Variants in AMZ1 observed in about 807,000 individuals in gnomAD.
AMZ1 encodes the protein archaelysin family metallopeptidase 1, also known as archaemetzincin-1.
A neutral mutation model predicts 29.9 loss-of-function variants in AMZ1; 39 were observed. The ratio of observed to expected loss-of-function variants is 1.30; its 90% confidence interval spans 1.01 to 1.70. AMZ1 has a LOEUF of 1.70. Ranked by LOEUF, AMZ1 falls within the 40% of genes most tolerant of loss-of-function variation. AMZ1 has a pLI of 0.00. For missense variants in AMZ1, 1,041 were observed against 680.6 expected (o/e 1.53, Z -5.89); for synonymous variants, 458 against 304.0 (o/e 1.51, Z -5.27).
At chr7:2,683,368 C>T (rs1277620786), upstream of AMZ1, among the ~76,000 whole-genome samples, 1 of 152,162 alleles carries the variant, frequency 6.6e-6, no homozygotes, top group African/African-American at 2.4e-5. Flanking sequence ...GGCTGCACCA[C>T]TCCCATCTCC....
rs1788906180 is a variant in AMZ1 at position 2,713,103 on chromosome 7, G to C, written c.*225G>C. On this transcript the variant is annotated 3_prime_UTR_variant, in exon 7 of 7. Transcript: ENST00000683327. ...AGAAAAATTAAAAAATTAGCTGGATGAAGTGGTTCATGCCTGTGTTCCCAG... is the reference window on the plus strand; with the variant it reads ...AGAAAAATTAAAAAATTAGCTGGATCAAGTGGTTCATGCCTGTGTTCCCAG... The C allele has an allele frequency of 2.3e-6, 1 of 431,802 alleles. No individual in the cohort carries two copies. The highest frequency in any genetic ancestry group is 2.0e-5 in the African/African-American group (1 of 48,948). 26.7% of individuals were successfully genotyped at this position (431,802 alleles called of 1,614,324 possible).
chr7:2,683,161 G>A (rs1398485228), intron 1 of AMZ1, among the ~76,000 whole-genome samples: 1 of 152,208 alleles, frequency 6.6e-6, no homozygotes, highest in African/African-American at 2.4e-5. Context: ...GTTTTCCAAT[G>A]TGGATGAGTT....
In AMZ1 at chr7:2,708,646, C is replaced by A; in HGVS notation, c.531C>A (p.Gly177=). The A allele has an allele frequency of 1.2e-6, 2 of 1,613,192 alleles. No homozygotes were observed. Among genetic ancestry groups the A allele is most frequent in the Non-Finnish European group, 1.7e-6 (2 of 1,179,986 alleles). The change falls in exon 4 of 7, where the codon GGC becomes GGA. Residue 177 remains glycine (G), a synonymous_variant. Coordinates refer to ENST00000683327, the MANE Select transcript of AMZ1 (RefSeq NM_001384743.1). The stretch of plus-strand genomic sequence containing the variant: ...CAGGGGACGCGCTGTGTGTGCTGGG[C>A]CTCACACTGTCTGACCTGTACCCCC... ...NKPGDALCVL[G]LTLSDLYPHE...
intron 1 of AMZ1, among the ~76,000 whole-genome samples, chr7:2,681,524 G>C (rs1786883626): frequency 6.6e-6 from 1 of 152,150 alleles, no homozygotes. Flanking sequence ...CCCTCTCAAA[G>C]TGCTGGGATT....
chr7:2,763,635 C>T (rs1791679571), upstream of AMZ1, among the ~76,000 whole-genome samples: 1 of 152,252 alleles, frequency 6.6e-6, no homozygotes, highest in Admixed American at 6.5e-5. Context: ...GCAGTGAACA[C>T]ATTTACACTT....
At chr7:2,693,657 T>G (rs111791261) in intron 1 of AMZ1, among the ~76,000 whole-genome samples, 18,347 of 152,152 alleles carry the variant, frequency 0.12, 1,220 homozygotes, top group South Asian at 0.14. Context: ...CCGGGTTCAC[T>G]CCATTCTCCA....
intron 4 of AMZ1, among the ~76,000 whole-genome samples, chr7:2,734,497 G>A (rs113535557): frequency 2.2e-3 from 332 of 152,310 alleles, no homozygotes; most frequent in African/African-American, 7.1e-3. Flanking sequence ...GCGAGCTGAC[G>A]CAGGAGAATT....
intron 1 of AMZ1, among the ~76,000 whole-genome samples, chr7:2,693,771 T>G (rs997576880): frequency 7.9e-5 from 12 of 152,210 alleles, no homozygotes; most frequent in African/African-American, 2.2e-4. Flanking sequence ...TAGCCAGGAT[T>G]GTCTTGATCT....
intron 4 of AMZ1, among the ~76,000 whole-genome samples, chr7:2,748,861 G>A (rs1454386295): frequency 6.6e-6 from 1 of 152,272 alleles, no homozygotes; most frequent in East Asian, 1.9e-4. Flanking sequence ...GACATGAACA[G>A]ACACTTCTCA....
chr7:2,747,232 G>A (rs1790810982), intron 4 of AMZ1, among the ~76,000 whole-genome samples: 1 of 152,128 alleles, frequency 6.6e-6, no homozygotes, highest in Non-Finnish European at 1.5e-5. Flanking sequence ...GAGAATTTTA[G>A]ACCAATATCC....
intron 2 of AMZ1, among the ~76,000 whole-genome samples, chr7:2,701,264 A>G (rs1788038252): frequency 6.6e-6 from 1 of 151,884 alleles, no homozygotes; most frequent in Non-Finnish European, 1.5e-5. Context: ...TGGGGTGCTG[A>G]AATGAGGATC....
chr7:2,728,086 G>C (rs1159466212), intron 4 of AMZ1: 1 of 151,960 alleles, frequency 6.6e-6, no homozygotes, highest in East Asian at 1.9e-4. Flanking sequence ...TTTAGTGTTG[G>C]TTTTGAATAC....
chr7:2,732,790 C>T (rs1789967508), intron 4 of AMZ1, among the ~76,000 whole-genome samples: 1 of 152,100 alleles, frequency 6.6e-6, no homozygotes, highest in African/African-American at 2.4e-5. Flanking sequence ...TCCAGTTACT[C>T]CAATAAACAA....
At chr7:2,738,268 G>C (rs1790311127) in intron 4 of AMZ1, among the ~76,000 whole-genome samples, 1 of 148,730 alleles carries the variant, frequency 6.7e-6, no homozygotes, top group Non-Finnish European at 1.5e-5. Flanking sequence ...TACAAAAACA[G>C]AGTGAGGCTC....
downstream of AMZ1, among the ~76,000 whole-genome samples, chr7:2,722,835 C>T (rs374823198): frequency 3.3e-5 from 5 of 152,008 alleles, no homozygotes; most frequent in East Asian, 1.9e-4. Context: ...TAGCCAGGTG[C>T]GGGTGGTGGC....
chr7:2,693,715 C>A (rs896911313), intron 1 of AMZ1, among the ~76,000 whole-genome samples: 1 of 152,156 alleles, frequency 6.6e-6, no homozygotes, highest in African/African-American at 2.4e-5. Context: ...GCCACCACGC[C>A]TGGCTAATTT....
At chr7:2,708,487 G>A (rs890695249) in intron 3 of AMZ1, 101 bp from the exon 4 acceptor site, 11 of 1,542,496 alleles carry the variant, frequency 7.1e-6, no homozygotes, top group Admixed American at 1.8e-5. Context: ...GAAGGGGCAG[G>A]GCCCAGGCAG....
intron 1 of AMZ1, among the ~76,000 whole-genome samples, chr7:2,698,858 T>C (rs1471939857): frequency 2.6e-5 from 4 of 152,220 alleles, no homozygotes; most frequent in Non-Finnish European, 5.9e-5. Context: ...CAGGGTTAGT[T>C]AGAGAATAGG....
Position 2,731,294 on chromosome 7 carries a change from G to A in AMZ1, n.550+21478G>A, listed in dbSNP as rs201860352. The A allele has an allele frequency of 5.0e-6, 8 of 1,612,752 alleles. No homozygotes were observed. The Admixed American group carries it at 1.3e-4, about 27-fold the overall frequency. On this transcript the variant is annotated intron_variant and non_coding_transcript_variant, in intron 4 of 4. Transcript: ENST00000489665. The surrounding 1 kb of genome is among the most constrained non-coding windows in gnomAD (Gnocchi z 6.0). ...GCGGTGGTGAAGTGGTGGAAGAGTGGCTTGCTGCGGTTCCGTCTCTTCCTG... is the reference window on the plus strand; with the variant it reads ...GCGGTGGTGAAGTGGTGGAAGAGTGACTTGCTGCGGTTCCGTCTCTTCCTG...
Sources: allele counts gnomAD v4.1 joint callset (sites outside exome capture counted in the v4.1 genomes callset), GRCh38; gene constraint gnomAD v4.1.1; non-coding constraint Gnocchi (gnomAD v3.1); transcripts MANE v1.5; gene names NCBI Gene and HGNC (gene_info 2026-07-23, HGNC 2026-07-21).